The following NLRP11 variants were observed in gnomAD, a reference collection of about 807,000 sequenced individuals.
NLRP11 encodes the protein NACHT, LRR and PYD domains-containing protein 11.
In NLRP11, 53 loss-of-function variants were observed where a neutral mutation model predicts 79.3. That is an observed-to-expected ratio of 0.67 (90% CI 0.54 to 0.84). NLRP11 has a LOEUF of 0.84. Ranked by LOEUF, NLRP11 falls within the 40% of genes least tolerant of loss-of-function variation. The pLI, the probability that NLRP11 is intolerant of heterozygous loss-of-function variation, is 0.00. For synonymous variants in NLRP11, 518 were observed against 462.6 expected (o/e 1.12, Z -1.54); for missense variants, 1,264 against 1,255.0 (o/e 1.01, Z -0.11).
At chr19:55,821,189 G>GCTCTCT (rs146995362) in intron 1 of NLRP11, among the ~76,000 whole-genome samples, 8 of 140,670 alleles carry the variant, frequency 5.7e-5, no homozygotes, top group Non-Finnish European at 6.1e-5. Context: ...TATGTGACCA[G>GCTCTCT]CTCTCTCTCT....
intron 1 of NLRP11, among the ~76,000 whole-genome samples, chr19:55,820,613 T>C (rs1981598851): frequency 6.6e-6 from 1 of 152,216 alleles, no homozygotes; most frequent in African/African-American, 2.4e-5. Context: ...TATTTTTGTA[T>C]TCTGGACCTA....
chr19:55,820,035 A>G (rs1031461701), intron 1 of NLRP11, among the ~76,000 whole-genome samples: 4 of 152,174 alleles, frequency 2.6e-5, no homozygotes, highest in East Asian at 1.9e-4. Context: ...ACATGCACCT[A>G]TGGTACCTGA....
rs776367195 is a variant in NLRP11, at chr19:55,809,893, A to G, written c.717T>C (p.Asn239=). The change falls in exon 3 of 10, where the codon AAT becomes AAC. Residue 239 remains asparagine (N), a synonymous_variant. Coordinates refer to ENST00000589093, the Ensembl canonical transcript of NLRP11. The surrounding 1 kb of genome is among the most constrained non-coding windows in gnomAD (Gnocchi z 4.5). ...TACTACACAAAGCACTTTCATTGACATTTAACTCGAATCTTATGTTGTCCA... is the reference window on the plus strand; with the variant it reads ...TACTACACAAAGCACTTTCATTGACGTTTAACTCGAATCTTATGTTGTCCA... The G allele has an allele frequency of 8.1e-6, 13 of 1,614,078 alleles. No homozygotes were observed. Among genetic ancestry groups the G allele is most frequent in the Non-Finnish European group, 1.0e-5 (12 of 1,180,022 alleles).
rs1980309929 is a variant in NLRP11 at position 55,809,112 on chromosome 19, T to C, written c.1498A>G (p.Asn500Asp). ...TCAAGAATCTTTCTCCTGTTTGCATTTAGAAGACCAAAAATGAAAGTAAAC... is the reference window on the plus strand; with the variant it reads ...TCAAGAATCTTTCTCCTGTTTGCATCTAGAAGACCAAAAATGAAAGTAAAC... Residue 500 changes from asparagine to aspartate, a missense_variant, in exon 3 of 10, where the codon AAT (asparagine) becomes GAT (aspartate). Coordinates refer to ENST00000589093, the Ensembl canonical transcript of NLRP11. This position sits in a 1 kb window ranked among gnomAD's most constrained non-coding sequence, Gnocchi z 4.5. 1.2e-6 allele frequency: 2 copies of C among 1,613,828 alleles called. No homozygotes were observed.
In NLRP11 at chr19:55,801,614, T is replaced by C. The variant is rs1045148215; in HGVS notation, c.2129A>G (p.His710Arg). ...GCATGTGGGCTCGTGCAGGATGTCA[T>C]GCAGAAGTGAAAACATATTTAGGGA... The change falls in exon 5 of 10, where the codon CAT (histidine) becomes CGT (arginine). Residue 710 changes from histidine (H) to arginine (R), a missense_variant. Physicochemically the swap from His to Arg is conservative, Grantham distance 29. Coordinates refer to ENST00000589093, the Ensembl canonical transcript of NLRP11. 35 of 1,614,002 alleles carry C rather than the reference T, an allele frequency of 2.2e-5. No individual in the cohort carries two copies. Among genetic ancestry groups the C allele is most frequent in the Non-Finnish European group, 2.7e-5 (32 of 1,180,000 alleles).
chr19:55,809,707 C>A lies in NLRP11; in HGVS notation c.903G>T (p.Ser301=), dbSNP rs149331181. Reference sequence around the variant, plus strand: ...TAAAATATATCTCCCTCTTCCCATTCGACAGCTGCAAGGTCGTGCAGCAAT... The same window carrying A: ...TAAAATATATCTCCCTCTTCCCATTAGACAGCTGCAAGGTCGTGCAGCAAT... The change falls in exon 3 of 10, where the codon TCG becomes TCT. Residue 301 remains serine, a synonymous_variant. Coordinates refer to ENST00000589093, the Ensembl canonical transcript of NLRP11. The surrounding 1 kb of genome is among the most constrained non-coding windows in gnomAD (Gnocchi z 4.5). 2 of 1,614,146 alleles carry A rather than the reference C, an allele frequency of 1.2e-6. No individual in the cohort carries two copies. Among genetic ancestry groups the A allele is most frequent in the Non-Finnish European group, 1.7e-6 (2 of 1,180,014 alleles).
At chr19:55,812,664 C>A (rs1980718810) in intron 2 of NLRP11, among the ~76,000 whole-genome samples, 1 of 152,024 alleles carries the variant, frequency 6.6e-6, no homozygotes, top group South Asian at 2.1e-4. Context: ...TTAGAGGAGT[C>A]ATTACGAAAA....
intron 2 of NLRP11, among the ~76,000 whole-genome samples, chr19:55,816,408 C>CT (rs1981116683): frequency 6.6e-6 from 1 of 152,118 alleles, no homozygotes; most frequent in Non-Finnish European, 1.5e-5. Flanking sequence ...AAGAGAGACT[C>CT]TAACACAATT....
At position 55,820,671 on chromosome 19, in the gene NLRP11, A is replaced by G. The variant is rs368400110; in HGVS notation, c.-62-2435T>C. Among the ~76,000 whole-genome samples the G allele has an allele frequency of 1.4e-4, 21 of 151,280 alleles. No homozygotes were observed. The East Asian group carries it at 3.9e-3, about 28-fold the overall frequency. On this transcript the variant is annotated intron_variant, in intron 1 of 9. Coordinates refer to ENST00000589093, the Ensembl canonical transcript of NLRP11. The stretch of plus-strand genomic sequence containing the variant: ...TCTTTCGAAAACTTAGTTTTTCAAA[A>G]ATGTCTTAATCTCTCTTAACTCAGA...
intron 1 of NLRP11, among the ~76,000 whole-genome samples, chr19:55,819,126 TACACACACACACACACACACACACAC>T (rs59055964): frequency 0.072 from 7,526 of 105,240 alleles, 636 homozygotes; most frequent in African/African-American, 0.2. Flanking sequence ...TGGTATCGCC[TACACACACACACACACACACACACAC>T]ACACACACAC....
At chr19:55,807,754 C>G in intron 4 of NLRP11, 99 bp downstream of exon 4, 1 of 774,628 alleles carries the variant, frequency 1.3e-6, no homozygotes, top group African/African-American at 1.7e-5. Context: ...TGAGCCTGAC[C>G]TGAAAGTGTG....
At chr19:55,835,902 T>A (rs112376254), upstream of NLRP11, among the ~76,000 whole-genome samples, 11 of 149,262 alleles carry the variant, frequency 7.4e-5, no homozygotes, top group Admixed American at 2.0e-4. Context: ...GGCGGGCAGA[T>A]CACTTGAGGT....
At chr19:55,804,000 T>C (rs1979732149) in intron 4 of NLRP11, among the ~76,000 whole-genome samples, 1 of 152,200 alleles carries the variant, frequency 6.6e-6, no homozygotes, top group Non-Finnish European at 1.5e-5. Flanking sequence ...AACAATCACT[T>C]GAACCTGGGA....
chr19:55,791,180 G>A (rs1269507536), intron 7 of NLRP11, among the ~76,000 whole-genome samples: 1 of 152,104 alleles, frequency 6.6e-6, no homozygotes, highest in Non-Finnish European at 1.5e-5. Context: ...AAAGCCCAGA[G>A]TATTTACTGT....
rs759879184 is a variant in NLRP11 at position 55,785,864 on chromosome 19, A to G, written c.2863T>C (p.Leu955=). 6.2e-6 allele frequency: 10 copies of G among 1,612,198 alleles called. No homozygotes were observed. In the Admixed American group the frequency reaches 1.7e-4, roughly 27 times the overall value. ...TGGGTTTGTGTGTTCAGGCCAGTTAATGGAAGCCTGAAGGAAAACAGAGAG... is the reference window on the plus strand; with the variant it reads ...TGGGTTTGTGTGTTCAGGCCAGTTAGTGGAAGCCTGAAGGAAAACAGAGAG... The change falls in exon 10 of 10, where the codon TTA becomes CTA. Residue 955 remains leucine, a synonymous_variant. Coordinates refer to ENST00000589093, the Ensembl canonical transcript of NLRP11.
chr19:55,796,130 G>C, exon 6 of NLRP11: 5 of 1,614,088 alleles, frequency 3.1e-6, no homozygotes, highest in Non-Finnish European at 4.2e-6. Context: ...CACACAGTAT[G>C]TTCATCCCGT....
Position 55,830,192 on chromosome 19 carries a change from A to G in NLRP11, c.-63+1771T>C, listed in dbSNP as rs974745187. On this transcript the variant is annotated intron_variant, in intron 1 of 9. Transcript: ENST00000589093. ...TGTTTTTCCCCCCTAAGTGAACACA[A>G]GTAGATTAGGGATTAGTAAGTTAAG... Among the ~76,000 whole-genome samples, 6 of 152,144 alleles carry G rather than the reference A, an allele frequency of 3.9e-5. No individual in the cohort carries two copies. In the South Asian group the frequency reaches 1.2e-3, roughly 31 times the overall value.
At chr19:55,835,839 C>T (rs981148808), upstream of NLRP11, among the ~76,000 whole-genome samples, 1 of 149,464 alleles carries the variant, frequency 6.7e-6, no homozygotes, top group Non-Finnish European at 1.5e-5. Flanking sequence ...AAAAATTAGC[C>T]GAGGCCAGGC....
intron 5 of NLRP11, among the ~76,000 whole-genome samples, 162 bp downstream of exon 5, chr19:55,801,410 G>GA (rs956658664): frequency 2.0e-5 from 3 of 152,128 alleles, no homozygotes; most frequent in African/African-American, 7.2e-5. Flanking sequence ...CAAAAGGCAG[G>GA]AATAATGTTG....
Sources: gnomAD v4.1 joint callset for allele counts (sites outside exome capture counted in the v4.1 genomes callset) on GRCh38, gnomAD v4.1.1 for gene constraint, Gnocchi (gnomAD v3.1) non-coding constraint, MANE v1.5 for transcripts, NCBI Gene and HGNC (gene_info 2026-07-23, HGNC 2026-07-21) for gene names.